RELN: variants seen among roughly 807,000 people sequenced by gnomAD.
The protein encoded by RELN is reelin.
In RELN, 108 loss-of-function variants were observed where a neutral mutation model predicts 427.6. That is an observed-to-expected ratio of 0.25 (90% CI 0.22 to 0.30). The LOEUF (loss-of-function observed/expected upper bound fraction) is 0.30. Among genes scored for constraint, RELN ranks in the 10% least tolerant of loss-of-function variants. RELN has a pLI of 1.00. For missense variants in RELN, 3,715 were observed against 4,302.8 expected, an observed-to-expected ratio of 0.86 and a Z score of 3.82; for synonymous variants, 1,524 against 1,513.4, an observed-to-expected ratio of 1.01 and a Z score of -0.16.
chr7:103,989,212 C>A lies in RELN; in HGVS notation c.145G>T (p.Asp49Tyr). The change falls in exon 1 of 65, where the codon GAT becomes TAT. Residue 49 changes from aspartate to tyrosine, a missense_variant. By Grantham distance (160) the Asp-to-Tyr change is radical (BLOSUM62 -3). This residue lies in a region of RELN where 2,208 missense variants were observed against 2,361.7 expected (regional missense o/e 0.93). Coordinates refer to ENST00000428762, the MANE Select transcript of RELN (RefSeq NM_005045.4). The surrounding 1 kb of genome is among the most constrained non-coding windows in gnomAD (Gnocchi z 4.9). ...LCTHHGELEG[D>Y]GEQGEVLISL... ...ATGAGCACCTCGCCCTGCTCCCCAT[C>A]CCCTTCCAGCTCCCCGTGGTGGGTG... is the stretch of plus-strand genomic sequence containing the variant. The A allele has an allele frequency of 6.2e-7, 1 of 1,614,138 alleles. No individual in the cohort carries two copies. Among genetic ancestry groups the A allele is most frequent in the African/African-American group, 1.3e-5 (1 of 75,062 alleles).
chr7:103,609,399 C>T (rs1057300766), intron 22 of RELN, among the ~76,000 whole-genome samples: 1 of 152,028 alleles, frequency 6.6e-6, no homozygotes, highest in Non-Finnish European at 1.5e-5. Flanking sequence ...GTTTGAAGTG[C>T]TGTTTTGCAT....
At chr7:103,678,612 C>G (rs925448181) in intron 11 of RELN, among the ~76,000 whole-genome samples, 10 of 152,100 alleles carry the variant, frequency 6.6e-5, no homozygotes, top group African/African-American at 2.4e-4. Context: ...GCCATAATGG[C>G]TTACTGGCTC....
rs362694 is a variant in RELN, at chr7:103,611,638, G to A, written c.2868C>T (p.His956=). The change falls in exon 21 of 65, where the codon CAC becomes CAT. Residue 956 remains histidine (H), a synonymous_variant. Transcript: ENST00000428762. Reference sequence around the variant, plus strand: ...CTTGGACGAGGTGCCAGGTAAGGCCGTGGTTGGTTGAGTACTCCAGCTTCA... The same window carrying A: ...CTTGGACGAGGTGCCAGGTAAGGCCATGGTTGGTTGAGTACTCCAGCTTCA... ...NQVKLEYSTN[H]GLTWHLVQEE... The A allele has an allele frequency of 1.3e-4, 207 of 1,613,642 alleles. 2 individuals are homozygous for A. The South Asian group carries it at 1.9e-3, about 15-fold the overall frequency.
intron 1 of RELN, among the ~76,000 whole-genome samples, chr7:103,928,325 T>A (rs1795789757): frequency 6.6e-6 from 1 of 152,248 alleles, no homozygotes; most frequent in African/African-American, 2.4e-5. Context: ...AACTAAATTC[T>A]CCCAAAGATC....
At chr7:103,488,754 CTG>C (rs1828536024) in intron 60 of RELN, among the ~76,000 whole-genome samples, 1 of 152,178 alleles carries the variant, frequency 6.6e-6, no homozygotes, top group South Asian at 2.1e-4. Flanking sequence ...TATATGCTGG[CTG>C]TGTGACCTTA....
At chr7:103,817,452 G>C (rs1270533556) in intron 3 of RELN, among the ~76,000 whole-genome samples, 2 of 152,158 alleles carry the variant, frequency 1.3e-5, no homozygotes, top group African/African-American at 4.8e-5. Context: ...CAAAAGCAGA[G>C]ATGGAGGTGA....
chr7:103,486,201 C>T lies in RELN; in HGVS notation c.9979G>A (p.Ala3327Thr), dbSNP rs1828434339. ...AAAATATGGAGGTTTGGGTACCTTG[C>T]TCGAGTGAGATCCAGAGGCTTGGTA... Reference protein sequence around the residue: ...AATKPLDLTRASKIMFVLQIG... With the variant: ...AATKPLDLTRTSKIMFVLQIG... Residue 3327 changes from alanine to threonine, a missense_variant, in exon 61 of 65, where the codon GCA (alanine) becomes ACA (threonine). Physicochemically the swap from Ala to Thr is moderately conservative, Grantham distance 58. This residue lies in a region of RELN where 195 missense variants were observed against 281.3 expected (regional missense o/e 0.69). Transcript: ENST00000428762. The T allele has an allele frequency of 6.2e-7, 1 of 1,613,110 alleles. No homozygotes were observed. The highest frequency in any genetic ancestry group is 8.5e-7 in the Non-Finnish European group (1 of 1,179,982).
chr7:103,861,099 G>T (rs6979719), intron 2 of RELN, among the ~76,000 whole-genome samples: 1 of 152,088 alleles, frequency 6.6e-6, no homozygotes, highest in African/African-American at 2.4e-5. Flanking sequence ...CTTGCATAAA[G>T]TGAGGAGGGA....
chr7:103,960,782 C>T lies in RELN; in HGVS notation c.226+28349G>A, dbSNP rs192839423. On this transcript the variant is annotated intron_variant, in intron 1 of 64. Transcript: ENST00000428762. ...GATGCCTGTGAATAACCAAACTCTC[C>T]GCTCTGTCCCCCACAATCCTTCCTT... is the stretch of plus-strand genomic sequence containing the variant. Among the ~76,000 whole-genome samples, 49 of 152,310 alleles carry T rather than the reference C, an allele frequency of 3.2e-4. No homozygotes were observed. In the East Asian group the frequency reaches 4.8e-3, roughly 15 times the overall value.
chr7:103,902,207 A>G (rs1022894364), intron 2 of RELN, among the ~76,000 whole-genome samples: 2 of 152,018 alleles, frequency 1.3e-5, no homozygotes, highest in Non-Finnish European at 2.9e-5. Context: ...CTCTCTAGAA[A>G]AAGAAAGCCA....
rs562919994 is a variant in RELN, at chr7:103,850,727, T to C, written c.338-17055A>G. Among the ~76,000 whole-genome samples, 157 of 152,058 alleles carry C rather than the reference T, an allele frequency of 1.0e-3. 1 individual carries two copies. The highest frequency in any genetic ancestry group is 3.6e-3 in the African/African-American group (148 of 41,448). On this transcript the variant is annotated intron_variant, in intron 2 of 64. Transcript: ENST00000428762. ...GATATACAAATGGCCAACAAACATATGAAAAAATGCTCAACATCACTAATG... is the reference window on the plus strand; with the variant it reads ...GATATACAAATGGCCAACAAACATACGAAAAAATGCTCAACATCACTAATG...
At chr7:103,896,127 G>C (rs1244599848) in intron 2 of RELN, among the ~76,000 whole-genome samples, 1 of 152,050 alleles carries the variant, frequency 6.6e-6, no homozygotes, top group East Asian at 1.9e-4. Context: ...ACTACAGTGA[G>C]ATAACACCAC....
intron 31 of RELN, 64 bp from the exon 32 acceptor site, chr7:103,566,823 C>T (rs139504045): frequency 2.0e-6 from 3 of 1,523,812 alleles, no homozygotes; most frequent in African/African-American, 1.4e-5. Context: ...AACAGTATTT[C>T]TTAAATGGTG....
At chr7:103,833,968 G>C (rs974386353) in intron 2 of RELN, among the ~76,000 whole-genome samples, 1 of 152,182 alleles carries the variant, frequency 6.6e-6, no homozygotes, top group African/African-American at 2.4e-5. Context: ...ACCTGCAGTT[G>C]AACAAGGTTA....
chr7:103,879,859 TA>T (rs2116556005), intron 2 of RELN, among the ~76,000 whole-genome samples: 1 of 152,276 alleles, frequency 6.6e-6, no homozygotes, highest in East Asian at 1.9e-4. Flanking sequence ...AACATTTTTC[TA>T]AAAACTGAGC....
intron 8 of RELN, among the ~76,000 whole-genome samples, chr7:103,715,719 T>C (rs1159407696): frequency 6.6e-6 from 1 of 152,198 alleles, no homozygotes; most frequent in Non-Finnish European, 1.5e-5. Context: ...CCTACCATAA[T>C]GGAGAGAGGG....
chr7:103,571,530 C>T, intron 31 of RELN, among the ~76,000 whole-genome samples: 1 of 152,128 alleles, frequency 6.6e-6, no homozygotes, highest in East Asian at 1.9e-4. Context: ...TGGTTTGAAT[C>T]CCTGCTCATC....
In RELN at chr7:103,561,581, T is replaced by C. The variant is rs374941914; in HGVS notation, c.5480A>G (p.Asn1827Ser). The C allele has an allele frequency of 1.2e-4, 188 of 1,613,778 alleles. No individual in the cohort carries two copies. Among genetic ancestry groups the C allele is most frequent in the Non-Finnish European group, 1.6e-4 (183 of 1,179,830 alleles). ...WPEVYGAERG[N>S]LNGETIKSGT... Reference sequence around the variant, plus strand: ...AGATTTGATGGTTTCACCATTCAGATTCCCCCTCTCTGCACCATACACTTC... The same window carrying C: ...AGATTTGATGGTTTCACCATTCAGACTCCCCCTCTCTGCACCATACACTTC... Residue 1827 changes from asparagine to serine, a missense_variant, in exon 36 of 65, where the codon AAT (asparagine) becomes AGT (serine). By Grantham distance (46) the Asn-to-Ser change is conservative (BLOSUM62 1). Around this residue, in one of 4 missense-constraint regions of RELN, gnomAD observed 2,208 missense variants for 2,361.7 expected, o/e 0.93. Transcript: ENST00000428762.
At chr7:103,552,493 C>T (rs1830435208) in intron 40 of RELN, among the ~76,000 whole-genome samples, 1 of 148,446 alleles carries the variant, frequency 6.7e-6, no homozygotes. Context: ...CTTGTTTCTT[C>T]CTGAATTCTT....
Sources: allele counts gnomAD v4.1 joint callset (sites outside exome capture counted in the v4.1 genomes callset), GRCh38; gene constraint gnomAD v4.1.1; regional missense constraint gnomAD v4.1.1; non-coding constraint Gnocchi (gnomAD v3.1); transcripts MANE v1.5; gene names NCBI Gene and HGNC (gene_info 2026-07-23, HGNC 2026-07-21).